LARGE1: variants seen among roughly 807,000 people sequenced by gnomAD.
LARGE1 encodes the protein xylosyl- and glucuronyltransferase LARGE1.
Under a neutral mutation model 87.6 loss-of-function variants are expected in LARGE1, and 43 were observed. That is an observed-to-expected ratio of 0.49 (90% CI 0.38 to 0.63). The LOEUF (loss-of-function observed/expected upper bound fraction) is 0.63, where lower values mean the gene tolerates loss of function less well. Among genes scored for constraint, LARGE1 ranks in the 30% least tolerant of loss-of-function variants. LARGE1 has a pLI of 0.00. For synonymous variants in LARGE1, 434 were observed against 394.6 expected, an observed-to-expected ratio of 1.10 and a Z score of -1.18; for missense variants, 802 against 1,000.2, an observed-to-expected ratio of 0.80 and a Z score of 2.67.
chr22:33,525,744 C>A (rs558287381), intron 6 of LARGE1, among the ~76,000 whole-genome samples: 67 of 152,298 alleles, frequency 4.4e-4, no homozygotes, highest in African/African-American at 1.5e-3. Context: ...CCAAATTCAT[C>A]ACCTGTGTTT....
At chr22:33,198,060 A>G (rs572250968) in intron 11 of LARGE1, among the ~76,000 whole-genome samples, 1 of 152,322 alleles carries the variant, frequency 6.6e-6, no homozygotes, top group Non-Finnish European at 1.5e-5. Context: ...AGCTCAAACC[A>G]CATGTGCATA....
At chr22:33,725,067 C>A (rs773896999) in intron 2 of LARGE1, 1 of 153,124 alleles carries the variant, frequency 6.5e-6, no homozygotes, top group Non-Finnish European at 1.5e-5. Flanking sequence ...GGGGCCAGGG[C>A]AGTGCGCACA....
intron 11 of LARGE1, among the ~76,000 whole-genome samples, chr22:33,225,064 T>C (rs947949921): frequency 1.2e-4 from 18 of 152,356 alleles, no homozygotes; most frequent in African/African-American, 4.3e-4. Context: ...GCATGGGCTG[T>C]CAGGGATGTC....
At position 33,274,534 on chromosome 22, in the gene LARGE1, G is replaced by C; in HGVS notation, c.2164C>G (p.Gln722Glu). Residue 722 changes from glutamine to glutamate, a missense_variant, in exon 15 of 15, where the codon CAA (glutamine) becomes GAA (glutamate). This residue lies in a region of LARGE1 where 625 missense variants were observed against 841.9 expected (regional missense o/e 0.74). Transcript: ENST00000397394. ...FDITKFRSNK[Q>E]YRICLKTLKE... Reference sequence around the variant, plus strand: ...AGGGTTTTGAGACAGATGCGGTATTGCTTGTTGGAACGGAACTTGGTAATG... The same window carrying C: ...AGGGTTTTGAGACAGATGCGGTATTCCTTGTTGGAACGGAACTTGGTAATG... The C allele has an allele frequency of 6.2e-7, 1 of 1,614,128 alleles. No individual in the cohort carries two copies. The highest frequency in any genetic ancestry group is 8.5e-7 in the Non-Finnish European group (1 of 1,180,024).
At chr22:33,905,872 G>A (rs1336657300) in intron 1 of LARGE1, among the ~76,000 whole-genome samples, 1 of 152,186 alleles carries the variant, frequency 6.6e-6, no homozygotes, top group Non-Finnish European at 1.5e-5. Context: ...GCTCATACCT[G>A]TAATCCCAGC....
At chr22:33,892,156 T>A (rs1206338511) in intron 1 of LARGE1, among the ~76,000 whole-genome samples, 1 of 152,180 alleles carries the variant, frequency 6.6e-6, no homozygotes, top group South Asian at 2.1e-4. Flanking sequence ...ATTTGTTGCA[T>A]AATAATGCTA....
chr22:33,755,775 C>T (rs755522461), intron 2 of LARGE1, among the ~76,000 whole-genome samples: 2 of 152,184 alleles, frequency 1.3e-5, no homozygotes, highest in African/African-American at 2.4e-5. Flanking sequence ...AGGGAACATT[C>T]ACTAAGGACA....
chr22:33,731,091 C>T (rs1339372101), intron 2 of LARGE1, among the ~76,000 whole-genome samples: 4 of 151,644 alleles, frequency 2.6e-5, no homozygotes, highest in Non-Finnish European at 5.9e-5. Context: ...CAAGCTCCGC[C>T]TCCCGGGTTC....
chr22:33,818,463 G>A (rs1397605185), intron 1 of LARGE1, among the ~76,000 whole-genome samples: 1 of 152,132 alleles, frequency 6.6e-6, no homozygotes, highest in African/African-American at 2.4e-5. Context: ...AAAAGAGGAG[G>A]GGAGGAAGTT....
intron 6 of LARGE1, among the ~76,000 whole-genome samples, chr22:33,551,948 C>T (rs535654302): frequency 6.8e-4 from 99 of 145,298 alleles, no homozygotes; most frequent in African/African-American, 2.2e-3. Context: ...GAGCCGAGAT[C>T]GCGCCACTGC....
chr22:33,316,103 G>A lies in LARGE1; in HGVS notation c.1433C>T (p.Ala478Val). 2 of 1,613,934 alleles carry A rather than the reference G, an allele frequency of 1.2e-6. No homozygotes were observed. The highest frequency in any genetic ancestry group is 2.2e-5 in the South Asian group (2 of 91,040). ...AADSTDVTLV[A>V]QLSMDRLQML... ...GCCATACCTGTCCATGGACAGCTGA[G>A]CGACCAGGGTGACGTCCGTGCTGTC... The change falls in exon 11 of 15, where the codon GCT becomes GTT. Residue 478 changes from alanine to valine, a missense_variant. By Grantham distance (64) the Ala-to-Val change is moderately conservative. Transcript: ENST00000397394.
At chr22:33,096,542 TTTTG>T in the LARGE1 span, among the ~76,000 whole-genome samples, 138 of 146,180 alleles carry the variant, frequency 9.4e-4, no homozygotes, top group Non-Finnish European at 1.6e-3. Context: ...TTCTTTTGTT[TTTTG>T]TTTGTTTGTT....
intron 2 of LARGE1, among the ~76,000 whole-genome samples, chr22:33,660,460 G>C (rs1214987067): frequency 6.6e-6 from 1 of 151,202 alleles, no homozygotes; most frequent in Admixed American, 6.6e-5. Flanking sequence ...CAATTGATCT[G>C]TGTGTGAGAG....
intron 1 of LARGE1, among the ~76,000 whole-genome samples, chr22:33,785,981 T>C (rs891104110): frequency 3.8e-4 from 58 of 152,338 alleles, no homozygotes; most frequent in African/African-American, 1.3e-3. Flanking sequence ...CAGGACTGTT[T>C]AAAATGCACA....
downstream of LARGE1, among the ~76,000 whole-genome samples, chr22:33,268,481 T>G (rs1602175211): frequency 6.7e-6 from 1 of 148,892 alleles, no homozygotes; most frequent in Non-Finnish European, 1.5e-5. Context: ...TAGGCTGGAG[T>G]GCATGGCGCG....
chr22:33,384,661 T>C (rs965907599), intron 7 of LARGE1, among the ~76,000 whole-genome samples: 2 of 148,694 alleles, frequency 1.3e-5, no homozygotes, highest in Non-Finnish European at 3.0e-5. Context: ...GAGCCTAGCA[T>C]TGTATGGAGA....
chr22:33,561,683 T>C (rs1416577397), intron 6 of LARGE1, among the ~76,000 whole-genome samples: 3 of 152,154 alleles, frequency 2.0e-5, no homozygotes, highest in African/African-American at 4.8e-5. Context: ...CCAATAATGG[T>C]ATGTCTGATT....
chr22:33,072,841 C>T, the LARGE1 span, among the ~76,000 whole-genome samples: 8 of 152,264 alleles, frequency 5.3e-5, no homozygotes, highest in East Asian at 1.4e-3. Context: ...ATCCATTCTC[C>T]GGTCCAGCTC....
intron 6 of LARGE1, among the ~76,000 whole-genome samples, chr22:33,495,585 G>T (rs929969337): frequency 6.6e-6 from 1 of 152,112 alleles, no homozygotes; most frequent in East Asian, 1.9e-4. Context: ...TGGGCGTGGT[G>T]GCATGTGCCT....
Sources: allele counts gnomAD v4.1 joint callset (sites outside exome capture counted in the v4.1 genomes callset), GRCh38; gene constraint gnomAD v4.1.1; regional missense constraint gnomAD v4.1.1; transcripts MANE v1.5; gene names NCBI Gene and HGNC (gene_info 2026-07-23, HGNC 2026-07-21).